Variants in UGT1A9 observed in about 807,000 individuals in gnomAD.
UGT1A9 encodes UDP-glucuronosyltransferase 1A9.
UGT1A9 carries 35 observed loss-of-function variants against 45.0 expected under a neutral mutation model. The observed-to-expected ratio is 0.78, with a 90% CI of 0.59 to 1.03. The LOEUF (loss-of-function observed/expected upper bound fraction) is 1.03, where lower values mean the gene tolerates loss of function less well. Ranked by LOEUF, UGT1A9 falls within the 50% of genes least tolerant of loss-of-function variation. UGT1A9 has a pLI of 0.00. For missense variants in UGT1A9, 687 were observed against 666.6 expected (o/e 1.03, Z -0.34); for synonymous variants, 278 against 250.6 (o/e 1.11, Z -1.03).
intron 1 of UGT1A9, chr2:233,761,263 A>G (rs953290784): frequency 6.9e-6 from 11 of 1,601,374 alleles, no homozygotes; most frequent in Non-Finnish European, 9.4e-6. Flanking sequence ...ATAATTTAAA[A>G]TGCCCTCTTT....
In UGT1A9 at chr2:233,672,081, T is replaced by C. The variant is rs781659760; in HGVS notation, c.147T>C (p.Ile49=). Residue 49 remains isoleucine (I), a synonymous_variant, in exon 1 of 5, where the codon ATT becomes ATC. Coordinates refer to ENST00000354728, the MANE Select transcript of UGT1A9 (RefSeq NM_021027.3). The stretch of plus-strand genomic sequence containing the variant: ...TGAGGTCGGTGGTGGAGAAACTCAT[T>C]CTCAGGGGGCATGAGGTGGTTGTAG... The part of the protein sequence containing the change: ...FTMRSVVEKL[I]LRGHEVVVVM... The C allele has an allele frequency of 1.9e-6, 3 of 1,614,062 alleles. No individual in the cohort carries two copies. The highest frequency in any genetic ancestry group is 1.7e-5 in the Admixed American group (1 of 60,008).
chr2:233,713,742 C>T lies in UGT1A9; in HGVS notation c.855+40953C>T, dbSNP rs138898755. 43 of 1,613,022 alleles carry T rather than the reference C, an allele frequency of 2.7e-5. No individual in the cohort carries two copies. The Middle Eastern group carries it at 5.0e-4, about 19-fold the overall frequency. On this transcript the variant is annotated intron_variant, in intron 1 of 4. Transcript: ENST00000354728. ...GGTGTCAGTGGTGGATCTTGTCAGC[C>T]ATGCATCTGTGTGGCTGTTCCGAGG...
At chr2:233,716,780 C>T (rs1189909178) in intron 1 of UGT1A9, among the ~76,000 whole-genome samples, 2 of 152,264 alleles carry the variant, frequency 1.3e-5, no homozygotes, top group Non-Finnish European at 2.9e-5. Context: ...GTCAGGCTTT[C>T]GGGATGCCTT....
In UGT1A9 at chr2:233,739,366, G is replaced by T. The variant is rs191477827; in HGVS notation, c.856-27668G>T. 3.4e-3 allele frequency among the ~76,000 whole-genome samples: 523 copies of T among 152,270 alleles called. 13 individuals carry two copies. Among genetic ancestry groups the T allele is most frequent in the East Asian group, 3.5e-3 (18 of 5,178 alleles). On this transcript the variant is annotated intron_variant, in intron 1 of 4. Transcript: ENST00000354728. Reference sequence around the variant, plus strand: ...CCCAGAAGGGCAGATCCAATAGCTTGCACTGTGTGCCTGGAAGAGCCACAG... The same window carrying T: ...CCCAGAAGGGCAGATCCAATAGCTTTCACTGTGTGCCTGGAAGAGCCACAG...
intron 1 of UGT1A9, among the ~76,000 whole-genome samples, chr2:233,696,419 C>T (rs1480641508): frequency 6.6e-6 from 1 of 152,042 alleles, no homozygotes; most frequent in African/African-American, 2.4e-5. Flanking sequence ...ATTTCCTTTT[C>T]AGTTTTTTCT....
intron 4 of UGT1A9, 91 bp downstream of exon 4, chr2:233,768,530 CGTT>C (rs2126039098): frequency 2.0e-6 from 3 of 1,496,416 alleles, no homozygotes; most frequent in African/African-American, 1.4e-5. Flanking sequence ...CATTTAATAG[CGTT>C]GTTTCAAATA....
intron 1 of UGT1A9, chr2:233,744,008 G>T (rs1692645925): frequency 1.7e-6 from 2 of 1,163,288 alleles, no homozygotes; most frequent in South Asian, 2.8e-5. Flanking sequence ...CGGAGACCTG[G>T]GCCGCCTGGA....
At chr2:233,706,682 A>C (rs182459361) in intron 1 of UGT1A9, among the ~76,000 whole-genome samples, 33 of 151,848 alleles carry the variant, frequency 2.2e-4, no homozygotes, top group African/African-American at 7.7e-4. Flanking sequence ...TCCCCACCCC[A>C]CTCCTTCTTG....
intron 1 of UGT1A9, among the ~76,000 whole-genome samples, chr2:233,686,245 T>A (rs2074779107): frequency 1.3e-5 from 2 of 150,448 alleles, no homozygotes; most frequent in South Asian, 4.2e-4. Context: ...AAATGGTTTC[T>A]GAGATTTTTT....
chr2:233,732,054 CA>C (rs1380241108), intron 1 of UGT1A9, among the ~76,000 whole-genome samples: 13 of 152,278 alleles, frequency 8.5e-5, no homozygotes, highest in Non-Finnish European at 4.4e-5. Flanking sequence ...AGCATTTATT[CA>C]TGTGTCTGTT....
At chr2:233,747,232 G>A in intron 1 of UGT1A9, 1 of 1,605,196 alleles carries the variant, frequency 6.2e-7, no homozygotes, top group Non-Finnish European at 8.5e-7. Context: ...AGGACCCCAG[G>A]TTCCCCTGCT....
intron 1 of UGT1A9, among the ~76,000 whole-genome samples, chr2:233,683,912 A>G (rs1484697357): frequency 6.6e-6 from 1 of 152,200 alleles, no homozygotes; most frequent in African/African-American, 2.4e-5. Context: ...GGCGGAGCAT[A>G]TAGTTCCAAA....
chr2:233,741,234 T>C (rs1176985414), intron 1 of UGT1A9, among the ~76,000 whole-genome samples: 1 of 151,886 alleles, frequency 6.6e-6, no homozygotes, highest in Non-Finnish European at 1.5e-5. Flanking sequence ...CCACTACCTC[T>C]GAGTGACACT....
rs181024490 is a variant in UGT1A9, at chr2:233,690,715, C to T, written c.855+17926C>T. ...TACTCTTTAGGGATCGTCATTATGA[C>T]GAACAGACATGCCAGATTCCTCTGG... On this transcript the variant is annotated intron_variant, in intron 1 of 4. Transcript: ENST00000354728. The T allele has an allele frequency of 2.7e-4, 328 of 1,218,932 alleles. 5 individuals are homozygous for T. The South Asian group carries it at 3.2e-3, about 12-fold the overall frequency. 75.5% of individuals were successfully genotyped at this position (1,218,932 alleles called of 1,614,324 possible). A position where few individuals can be genotyped will look rare whatever the true frequency, so the allele number is the denominator to read the frequency against.
intron 1 of UGT1A9, among the ~76,000 whole-genome samples, chr2:233,766,718 A>C (rs1196148509): frequency 6.6e-6 from 1 of 152,074 alleles, no homozygotes; most frequent in East Asian, 1.9e-4. Flanking sequence ...CTCTAAGTGG[A>C]ATTATCACTG....
intron 1 of UGT1A9, among the ~76,000 whole-genome samples, chr2:233,674,964 G>A (rs186147617): frequency 6.6e-6 from 1 of 152,268 alleles, no homozygotes; most frequent in African/African-American, 2.4e-5. Context: ...TGGGAAACAG[G>A]ATTCAGAGTC....
chr2:233,746,453 C>T (rs1693396271), intron 1 of UGT1A9, among the ~76,000 whole-genome samples: 1 of 151,712 alleles, frequency 6.6e-6, no homozygotes, highest in South Asian at 2.1e-4. Flanking sequence ...AAGAAAGTAC[C>T]TTCAAAAGGG....
rs772241924 is a variant in UGT1A9, at chr2:233,672,168, A to C, written c.234A>C (p.Ser78=). The C allele has an allele frequency of 6.2e-7, 1 of 1,614,162 alleles. No individual in the cohort carries two copies. The highest frequency in any genetic ancestry group is 2.2e-5 in the East Asian group (1 of 44,890). Residue 78 remains serine, a synonymous_variant, in exon 1 of 5, where the codon TCA becomes TCC. Transcript: ENST00000354728. Reference sequence around the variant, plus strand: ...TGAATTGCACAGTGAAGACTTATTCAACTTCATATACCCTGGAGGATCTGG... The same window carrying C: ...TGAATTGCACAGTGAAGACTTATTCCACTTCATATACCCTGGAGGATCTGG... ...RSLNCTVKTY[S]TSYTLEDLDR... is the part of the protein sequence containing the mutation.
chr2:233,695,130 C>CTTTTT (rs71398796), intron 1 of UGT1A9, among the ~76,000 whole-genome samples: 6 of 138,838 alleles, frequency 4.3e-5, no homozygotes, highest in East Asian at 2.1e-4. Flanking sequence ...CTTTTCTTTT[C>CTTTTT]TTTTTTTTTT....
Sources: allele counts gnomAD v4.1 joint callset (sites outside exome capture counted in the v4.1 genomes callset), GRCh38; gene constraint gnomAD v4.1.1; transcripts MANE v1.5; gene names NCBI Gene and HGNC (gene_info 2026-07-23, HGNC 2026-07-21).